THSD7A: variants seen among roughly 807,000 people sequenced by gnomAD.
THSD7A encodes thrombospondin type-1 domain-containing protein 7A.
A neutral mutation model predicts 231.3 loss-of-function variants in THSD7A; 96 were observed. The observed-to-expected ratio is 0.41, with a 90% CI of 0.35 to 0.49. The LOEUF (loss-of-function observed/expected upper bound fraction) is 0.49. Among genes scored for constraint, THSD7A ranks in the 20% least tolerant of loss-of-function variants. The pLI is 0.05. For synonymous variants in THSD7A, 940 were observed against 743.3 expected, an observed-to-expected ratio of 1.26 and a Z score of -4.30; for missense variants, 2,290 against 2,070.2, an observed-to-expected ratio of 1.11 and a Z score of -2.06.
intron 26 of THSD7A, 78 bp from the exon 27 acceptor site, chr7:11,376,735 C>A (rs1782289806): frequency 1.8e-6 from 2 of 1,087,244 alleles, no homozygotes; most frequent in East Asian, 5.2e-5. Flanking sequence ...GACCAATGAT[C>A]AGTCATATAT....
intron 24 of THSD7A, 89 bp downstream of exon 24, chr7:11,382,432 T>G: frequency 9.2e-7 from 1 of 1,086,774 alleles, no homozygotes; most frequent in Non-Finnish European, 1.4e-6. Flanking sequence ...ACTGAAAGAG[T>G]AACTTTGTTT....
chr7:11,590,650 A>C lies in THSD7A; in HGVS notation c.1272-9T>G. The C allele has an allele frequency of 3.1e-6, 5 of 1,592,934 alleles. No homozygotes were observed. The highest frequency in any genetic ancestry group is 4.3e-6 in the Non-Finnish European group (5 of 1,169,214). ...TAGTTCTCCAGCCATACCTAAATAAAGACAACACCACCAGCAGCAACCATA... is the reference window on the plus strand; with the variant it reads ...TAGTTCTCCAGCCATACCTAAATAACGACAACACCACCAGCAGCAACCATA... On this transcript the variant is annotated splice_polypyrimidine_tract_variant and intron_variant, in intron 3 of 27. Transcript: ENST00000423059. The surrounding 1 kb of genome is among the most constrained non-coding windows in gnomAD (Gnocchi z 4.4).
chr7:11,827,063 G>C (rs538621151), intron 1 of THSD7A, among the ~76,000 whole-genome samples: 1 of 152,044 alleles, frequency 6.6e-6, no homozygotes, highest in Admixed American at 6.6e-5. Flanking sequence ...GAGTACAATG[G>C]TGTAGTCATG....
chr7:11,793,792 CTT>C (rs1784037655), intron 1 of THSD7A, among the ~76,000 whole-genome samples: 1 of 151,754 alleles, frequency 6.6e-6, no homozygotes, highest in South Asian at 2.1e-4. Flanking sequence ...AAGATTTATG[CTT>C]AATGTTGGCA....
chr7:11,454,909 G>A (rs934348369), intron 11 of THSD7A, among the ~76,000 whole-genome samples: 4 of 151,954 alleles, frequency 2.6e-5, no homozygotes, highest in Non-Finnish European at 5.9e-5. Context: ...ACACTAAGAT[G>A]ATAGGAATTT....
rs184111240 is a variant in THSD7A, at chr7:11,740,465, T to G, written c.190+91292A>C. Among the ~76,000 whole-genome samples the G allele has an allele frequency of 7.7e-4, 117 of 152,090 alleles. 1 individual carries two copies. The highest frequency in any genetic ancestry group is 1.4e-3 in the Non-Finnish European group (93 of 67,954). On this transcript the variant is annotated intron_variant, in intron 1 of 27. Coordinates refer to ENST00000423059, the MANE Select transcript of THSD7A (RefSeq NM_015204.3). ...GATCTCTACCTTGACACCAGATTCT[T>G]CAGCTACATCTCCTTTTTGCTTAAT...
chr7:11,464,754 C>T (rs1334791701), intron 9 of THSD7A, among the ~76,000 whole-genome samples: 1 of 152,102 alleles, frequency 6.6e-6, no homozygotes, highest in African/African-American at 2.4e-5. Flanking sequence ...TCAAGTGGAA[C>T]TCTTCAAAGA....
chr7:11,573,421 T>C (rs1790736616), intron 4 of THSD7A, among the ~76,000 whole-genome samples: 1 of 152,160 alleles, frequency 6.6e-6, no homozygotes, highest in African/African-American at 2.4e-5. Flanking sequence ...ACTCCTTTGC[T>C]CAGCTACACC....
At chr7:11,702,009 G>A (rs1193226565) in intron 1 of THSD7A, among the ~76,000 whole-genome samples, 1 of 151,150 alleles carries the variant, frequency 6.6e-6, no homozygotes, top group Non-Finnish European at 1.5e-5. Flanking sequence ...TCTGACCACA[G>A]TCCCAGTGTA....
In THSD7A at chr7:11,541,622, A is replaced by G. The variant is rs762450575; in HGVS notation, c.1619T>C (p.Leu540Pro). Residue 540 changes from leucine to proline, a missense_variant, in exon 6 of 28, where the codon CTG becomes CCG. Transcript: ENST00000423059. ...NDQQGKKGFK[L>P]RKRRITNEPT... ...CTCATTGGTAATGCGCCGCTTCCTC[A>G]GTTTGAAGCCTGAATTATGGGGGAA... 6.2e-7 allele frequency: 1 copy of G among 1,613,762 alleles called. No homozygotes were observed. Among genetic ancestry groups the G allele is most frequent in the Non-Finnish European group, 8.5e-7 (1 of 1,179,786 alleles).
At chr7:11,562,870 T>C (rs1269559553) in intron 4 of THSD7A, among the ~76,000 whole-genome samples, 1 of 152,252 alleles carries the variant, frequency 6.6e-6, no homozygotes, top group Non-Finnish European at 1.5e-5. Flanking sequence ...TTGTTTTTAC[T>C]GTTTTGTCCT....
chr7:11,486,561 T>A (rs967089558), intron 6 of THSD7A, among the ~76,000 whole-genome samples: 5 of 151,140 alleles, frequency 3.3e-5, no homozygotes, highest in Non-Finnish European at 7.4e-5. Context: ...CTGTGATTTG[T>A]GTAGTTCTAT....
rs370870452 is a variant in THSD7A at position 11,543,079 on chromosome 7, T to A, written c.1492A>T (p.Ile498Phe). The change falls in exon 5 of 28, where the codon ATC becomes TTC. Residue 498 changes from isoleucine to phenylalanine, a missense_variant. By Grantham distance (21) the Ile-to-Phe change is conservative. Transcript: ENST00000423059. ...TGGCACAGCTGTGTAGTATTAGGGA[T>A]AGGTCCAGTGCATAATTTTAAGTCC... ...PMDLKLCTGP[I>F]PNTTQLCHIP... The A allele has an allele frequency of 5.0e-6, 8 of 1,613,668 alleles. No homozygotes were observed. Among genetic ancestry groups the A allele is most frequent in the Non-Finnish European group, 6.8e-6 (8 of 1,179,778 alleles).
At chr7:11,703,984 T>C (rs1180890878) in intron 1 of THSD7A, among the ~76,000 whole-genome samples, 2 of 151,162 alleles carry the variant, frequency 1.3e-5, no homozygotes, top group African/African-American at 2.4e-5. Flanking sequence ...GAAAACAAAA[T>C]AGGTTTCAGA....
chr7:11,651,508 T>TATCTATC (rs1782506723), intron 1 of THSD7A, among the ~76,000 whole-genome samples: 2 of 151,776 alleles, frequency 1.3e-5, no homozygotes, highest in African/African-American at 4.8e-5. Flanking sequence ...TCTATCTATC[T>TATCTATC]ATCTATCTAT....
At chr7:11,404,406 A>G (rs1783513348) in intron 22 of THSD7A, among the ~76,000 whole-genome samples, 1 of 152,218 alleles carries the variant, frequency 6.6e-6, no homozygotes, top group African/African-American at 2.4e-5. Flanking sequence ...TGTGAATGTC[A>G]CAACAATCCT....
At chr7:11,686,108 T>G (rs1467315834) in intron 1 of THSD7A, among the ~76,000 whole-genome samples, 2 of 151,864 alleles carry the variant, frequency 1.3e-5, no homozygotes. Context: ...CATATGTTCT[T>G]ATTTATAAAA....
At chr7:11,437,994 C>G (rs1784686657) in intron 13 of THSD7A, among the ~76,000 whole-genome samples, 1 of 150,126 alleles carries the variant, frequency 6.7e-6, no homozygotes, top group African/African-American at 2.5e-5. Flanking sequence ...TAAAGTTCAT[C>G]CACGATGTAT....
At chr7:11,537,046 T>C (rs17164732) in intron 6 of THSD7A, among the ~76,000 whole-genome samples, 2 of 152,098 alleles carry the variant, frequency 1.3e-5, no homozygotes, top group African/African-American at 2.4e-5. Context: ...TCCAGTGGTA[T>C]AAATTTTCAA....
Sources: gnomAD v4.1 joint callset for allele counts (sites outside exome capture counted in the v4.1 genomes callset) on GRCh38, gnomAD v4.1.1 for gene constraint, Gnocchi (gnomAD v3.1) non-coding constraint, MANE v1.5 for transcripts, NCBI Gene and HGNC (gene_info 2026-07-23, HGNC 2026-07-21) for gene names.